Variants in MEGF10 observed in about 807,000 individuals in gnomAD.
The protein encoded by MEGF10 is multiple epidermal growth factor-like domains protein 10.
MEGF10 carries 86 observed loss-of-function variants against 147.5 expected under a neutral mutation model. The ratio of observed to expected loss-of-function variants is 0.58; its 90% CI spans 0.49 to 0.70. The LOEUF is 0.70. Among genes scored for constraint, MEGF10 ranks in the 30% least tolerant of loss-of-function variants. The pLI, the probability that MEGF10 is intolerant of heterozygous loss-of-function variation, is 0.00. For synonymous variants in MEGF10, 478 were observed against 525.5 expected (o/e 0.91, Z 1.24); for missense variants, 1,329 against 1,487.3 (o/e 0.89, Z 1.75).
At chr5:127,250,421 G>T in the MEGF10 span, among the ~76,000 whole-genome samples, 1 of 151,476 alleles carries the variant, frequency 6.6e-6, no homozygotes, top group Non-Finnish European at 1.5e-5. Context: ...TTCAATATGG[G>T]CAAAAATGTA....
chr5:127,268,955 G>A, the MEGF10 span, among the ~76,000 whole-genome samples: 3 of 152,206 alleles, frequency 2.0e-5, no homozygotes, highest in Non-Finnish European at 4.4e-5. Flanking sequence ...TGCAGCCTCC[G>A]CTGCTGATAC....
At chr5:127,279,588 C>A in the MEGF10 span, among the ~76,000 whole-genome samples, 1 of 152,122 alleles carries the variant, frequency 6.6e-6, no homozygotes, top group Non-Finnish European at 1.5e-5. Context: ...GCAGTTCCTC[C>A]CACCGCAGAA....
At chr5:127,428,489 ACTACACTACACTACG>A (rs1174591433) in intron 13 of MEGF10, among the ~76,000 whole-genome samples, 1 of 152,134 alleles carries the variant, frequency 6.6e-6, no homozygotes, top group East Asian at 1.9e-4. Context: ...ACTATGCTGT[ACTACACTACACTACG>A]CTACACTACA....
intron 18 of MEGF10, among the ~76,000 whole-genome samples, chr5:127,441,601 A>G (rs1765759451): frequency 6.6e-6 from 1 of 152,302 alleles, no homozygotes; most frequent in South Asian, 2.1e-4. Flanking sequence ...TTCTTTCAGT[A>G]TTCACGATAA....
chr5:127,284,297 T>C, the MEGF10 span, among the ~76,000 whole-genome samples: 3 of 152,166 alleles, frequency 2.0e-5, no homozygotes, highest in African/African-American at 7.2e-5. Flanking sequence ...GCTAAAGACA[T>C]GACCTCTTCC....
At chr5:127,351,720 T>A (rs150005771) in intron 4 of MEGF10, among the ~76,000 whole-genome samples, 1 of 152,322 alleles carries the variant, frequency 6.6e-6, no homozygotes, top group Non-Finnish European at 1.5e-5. Context: ...TACAAGGGCA[T>A]CTTTATTCTG....
At chr5:127,257,184 T>C in the MEGF10 span, among the ~76,000 whole-genome samples, 1 of 152,002 alleles carries the variant, frequency 6.6e-6, no homozygotes, top group African/African-American at 2.4e-5. Flanking sequence ...AGTCTGTCTG[T>C]GTGTGGGTGT....
chr5:127,443,271 A>G, intron 19 of MEGF10, 145 bp downstream of exon 19: 3 of 863,800 alleles, frequency 3.5e-6, no homozygotes, highest in Non-Finnish European at 4.8e-6. Flanking sequence ...TTTAATTGCC[A>G]GATGAATGCC....
chr5:127,340,953 G>T (rs186554415), intron 4 of MEGF10, among the ~76,000 whole-genome samples: 1 of 152,168 alleles, frequency 6.6e-6, no homozygotes, highest in East Asian at 1.9e-4. Flanking sequence ...ATTGGACCTG[G>T]GTCCCAGAAG....
intron 4 of MEGF10, among the ~76,000 whole-genome samples, chr5:127,361,572 G>T (rs1367917654): frequency 6.6e-6 from 1 of 151,912 alleles, no homozygotes; most frequent in Non-Finnish European, 1.5e-5. Context: ...TTTCACTGGG[G>T]TTTAATTTGA....
At chr5:127,305,696 C>A (rs909559264) in intron 1 of MEGF10, among the ~76,000 whole-genome samples, 7 of 152,156 alleles carry the variant, frequency 4.6e-5, no homozygotes, top group African/African-American at 1.7e-4. Context: ...AAGTCCCTTG[C>A]TTTCCTTCCA....
chr5:127,287,546 A>G (rs1450719641), upstream of MEGF10, among the ~76,000 whole-genome samples: 1 of 152,050 alleles, frequency 6.6e-6, no homozygotes, highest in Non-Finnish European at 1.5e-5. Context: ...TAATACTGCC[A>G]TGTTCAAAGC....
At chr5:127,307,841 C>G (rs115021097) in intron 1 of MEGF10, among the ~76,000 whole-genome samples, 2,745 of 152,216 alleles carry the variant, frequency 0.018, 74 homozygotes, top group East Asian at 0.11. Context: ...GCCAAGAGAC[C>G]CTGATGGCAC....
intron 1 of MEGF10, among the ~76,000 whole-genome samples, chr5:127,329,534 G>A (rs1561574614): frequency 6.6e-6 from 1 of 151,534 alleles, no homozygotes; most frequent in Admixed American, 6.6e-5. Flanking sequence ...TGTTATTGTT[G>A]TTTATTTGTT....
intron 4 of MEGF10, among the ~76,000 whole-genome samples, chr5:127,357,752 G>A (rs1057291981): frequency 7.2e-5 from 11 of 151,912 alleles, no homozygotes; most frequent in Admixed American, 3.3e-4. Context: ...CATAATTGTA[G>A]GGGTTTTAGG....
chr5:127,277,887 T>C, the MEGF10 span, among the ~76,000 whole-genome samples: 1 of 152,162 alleles, frequency 6.6e-6, no homozygotes, highest in African/African-American at 2.4e-5. Context: ...AAGGATGAAT[T>C]TGGGAAGGGC....
intron 8 of MEGF10, among the ~76,000 whole-genome samples, chr5:127,406,468 C>G (rs549645102): frequency 1.2e-4 from 19 of 152,184 alleles, no homozygotes; most frequent in Non-Finnish European, 2.5e-4. Flanking sequence ...AGGACAACAA[C>G]GAATGGCCAT....
chr5:127,375,423 T>A (rs1340064391), intron 5 of MEGF10, among the ~76,000 whole-genome samples: 1 of 152,214 alleles, frequency 6.6e-6, no homozygotes, highest in East Asian at 1.9e-4. Context: ...AAACCAGGTA[T>A]GTCAGAGAAT....
chr5:127,454,744 C>A, intron 23 of MEGF10, 134 bp downstream of exon 23: 1 of 689,376 alleles, frequency 1.5e-6, no homozygotes, highest in Non-Finnish European at 2.3e-6. Context: ...GTTACTACAG[C>A]AAACACACAA....
Sources: gnomAD v4.1 joint callset for allele counts (sites outside exome capture counted in the v4.1 genomes callset) on GRCh38, gnomAD v4.1.1 for gene constraint, MANE v1.5 for transcripts, NCBI Gene and HGNC (gene_info 2026-07-23, HGNC 2026-07-21) for gene names.